GALNTL6: variants seen among roughly 807,000 people sequenced by gnomAD.
GALNTL6 encodes polypeptide N-acetylgalactosaminyltransferase-like 6.
GALNTL6 carries 46 observed loss-of-function variants against 73.7 expected under a neutral mutation model. The ratio of observed to expected loss-of-function variants is 0.62; its 90% CI spans 0.49 to 0.80. The LOEUF (loss-of-function observed/expected upper bound fraction) is 0.80, where lower values mean the gene tolerates loss of function less well. Ranked by LOEUF, GALNTL6 falls within the 30% of genes least tolerant of loss-of-function variation. The pLI is 0.00. For synonymous variants in GALNTL6, 259 were observed against 263.7 expected, an observed-to-expected ratio of 0.98 and a Z score of 0.17; for missense variants, 604 against 755.0, an observed-to-expected ratio of 0.80 and a Z score of 2.34.
intron 2 of GALNTL6, among the ~76,000 whole-genome samples, chr4:172,043,717 G>A (rs1422039513): frequency 1.3e-5 from 2 of 151,908 alleles, no homozygotes; most frequent in Admixed American, 6.6e-5. Context: ...CTAACATAAG[G>A]CAAAGTGTTC....
intron 2 of GALNTL6, among the ~76,000 whole-genome samples, chr4:172,019,676 A>T (rs779380657): frequency 1.3e-5 from 2 of 152,258 alleles, no homozygotes; most frequent in Non-Finnish European, 2.9e-5. Flanking sequence ...TGAAGCAAAT[A>T]TTACTAGTGC....
chr4:172,408,193 T>C (rs1744304021), intron 5 of GALNTL6, among the ~76,000 whole-genome samples: 2 of 152,084 alleles, frequency 1.3e-5, no homozygotes, highest in Admixed American at 1.3e-4. Flanking sequence ...GTGAGAATAG[T>C]GGAAATGTAT....
intron 8 of GALNTL6, among the ~76,000 whole-genome samples, chr4:172,909,982 G>T (rs1464240412): frequency 6.6e-6 from 1 of 151,572 alleles, no homozygotes; most frequent in African/African-American, 2.4e-5. Flanking sequence ...TACTAGTATG[G>T]AATAATATCC....
At chr4:172,371,462 G>T (rs1742806604) in intron 5 of GALNTL6, among the ~76,000 whole-genome samples, 5 of 152,132 alleles carry the variant, frequency 3.3e-5, no homozygotes, top group Admixed American at 3.3e-4. Flanking sequence ...ATCAATTATA[G>T]GTTTTAAATT....
chr4:172,426,365 A>G lies in GALNTL6; in HGVS notation c.553+77676A>G, dbSNP rs572841924. On this transcript the variant is annotated intron_variant, in intron 5 of 12. Transcript: ENST00000506823. ...AGCAGAGTTTTTTTAATAACAATAA[A>G]TAGTAAAACCCTGTGTTGCTCTGGC... Among the ~76,000 whole-genome samples the G allele has an allele frequency of 5.3e-4, 81 of 152,230 alleles. 1 individual carries two copies. The highest frequency in any genetic ancestry group is 3.0e-3 in the Admixed American group (46 of 15,254).
intron 7 of GALNTL6, among the ~76,000 whole-genome samples, chr4:172,833,348 A>T (rs1232983253): frequency 6.6e-6 from 1 of 152,194 alleles, no homozygotes; most frequent in Non-Finnish European, 1.5e-5. Flanking sequence ...CATTCTGAAG[A>T]TACTGCTGTG....
intron 5 of GALNTL6, among the ~76,000 whole-genome samples, chr4:172,452,456 G>T (rs1021888216): frequency 2.0e-5 from 3 of 152,044 alleles, no homozygotes; most frequent in African/African-American, 4.8e-5. Flanking sequence ...GGACCTCAGT[G>T]CTCTGTACTC....
chr4:172,176,303 G>A (rs1363627161), intron 2 of GALNTL6, among the ~76,000 whole-genome samples: 1 of 111,508 alleles, frequency 9.0e-6, no homozygotes, highest in East Asian at 2.7e-4. Context: ...TCGCGCCACT[G>A]CACTCCAACC....
chr4:172,610,361 C>T (rs1294031034), intron 5 of GALNTL6, among the ~76,000 whole-genome samples: 4 of 152,198 alleles, frequency 2.6e-5, no homozygotes, highest in South Asian at 4.1e-4. Flanking sequence ...TCTCTTAACA[C>T]TGCTTACCTG....
intron 8 of GALNTL6, among the ~76,000 whole-genome samples, chr4:172,927,141 G>A (rs191646225): frequency 1.6e-4 from 25 of 152,310 alleles, no homozygotes; most frequent in Admixed American, 3.9e-4. Context: ...CTCAGGCTCT[G>A]AGGGAAAAAT....
intron 2 of GALNTL6, among the ~76,000 whole-genome samples, chr4:171,869,309 TGAG>T (rs1736070165): frequency 1.3e-5 from 2 of 152,168 alleles, no homozygotes; most frequent in Non-Finnish European, 1.5e-5. Context: ...AAAATTCAAT[TGAG>T]GAGCTAAACA....
At chr4:172,467,806 T>TTTTCTTTCTTTCTTTCTTTC (rs57581185) in intron 5 of GALNTL6, among the ~76,000 whole-genome samples, 20 of 121,848 alleles carry the variant, frequency 1.6e-4, no homozygotes, top group South Asian at 2.9e-4. Context: ...GCATTTTACA[T>TTTTCTTTCTTTCTTTCTTTC]TTTCTTTCTT....
intron 3 of GALNTL6, among the ~76,000 whole-genome samples, chr4:172,297,753 T>G (rs1472680959): frequency 6.6e-6 from 1 of 152,192 alleles, no homozygotes; most frequent in Non-Finnish European, 1.5e-5. Context: ...TGGTTACTGT[T>G]GCCTTGTAGT....
chr4:172,546,786 A>ATATATATGTG (rs1735771161), intron 5 of GALNTL6, among the ~76,000 whole-genome samples: 1 of 9,844 alleles, frequency 1.0e-4, no homozygotes, highest in Non-Finnish European at 2.7e-4. Context: ...ACTCCGCTTT[A>ATATATATGTG]TATATATATA....
intron 5 of GALNTL6, among the ~76,000 whole-genome samples, chr4:172,473,887 C>T (rs577206893): frequency 3.3e-5 from 5 of 152,284 alleles, no homozygotes; most frequent in South Asian, 2.1e-4. Context: ...CTGTTTTCTT[C>T]GAGTCTATGT....
intron 5 of GALNTL6, among the ~76,000 whole-genome samples, chr4:172,567,089 G>A (rs189798930): frequency 1.8e-4 from 27 of 151,736 alleles, no homozygotes; most frequent in African/African-American, 6.3e-4. Context: ...CATTCACTTG[G>A]GGGTGAGGAG....
chr4:172,561,199 G>A (rs1049359547), intron 5 of GALNTL6, among the ~76,000 whole-genome samples: 11 of 142,636 alleles, frequency 7.7e-5, no homozygotes, highest in Admixed American at 1.5e-4. Flanking sequence ...CTTGCAGTGA[G>A]CCGAGATTGC....
intron 2 of GALNTL6, among the ~76,000 whole-genome samples, chr4:172,108,170 T>A (rs1478609320): frequency 6.6e-6 from 1 of 152,184 alleles, no homozygotes; most frequent in Non-Finnish European, 1.5e-5. Context: ...TCATTTTGTG[T>A]GTCTAGGAAA....
intron 2 of GALNTL6, among the ~76,000 whole-genome samples, chr4:172,156,546 T>TATATTATATATATATAATATATATA (rs1734282564): frequency 1.4e-5 from 1 of 70,298 alleles, no homozygotes; most frequent in Non-Finnish European, 2.9e-5. Context: ...ATATAATATA[T>TATATTATATATATATAATATATATA]ATATATATAT....
Sources: gnomAD v4.1 joint callset for allele counts (sites outside exome capture counted in the v4.1 genomes callset) on GRCh38, gnomAD v4.1.1 for gene constraint, MANE v1.5 for transcripts, NCBI Gene and HGNC (gene_info 2026-07-23, HGNC 2026-07-21) for gene names.